Variants in RYR2 observed in about 807,000 individuals in gnomAD.
The protein encoded by RYR2 is ryanodine receptor 2.
RYR2 carries 227 observed loss-of-function variants against 601.1 expected under a neutral mutation model. That is an observed-to-expected ratio of 0.38 (90% CI 0.34 to 0.42). The LOEUF (loss-of-function observed/expected upper bound fraction) is 0.42. Among genes scored for constraint, RYR2 ranks in the 10% least tolerant of loss-of-function variants. The probability of loss-of-function intolerance (pLI) is 1.00; values close to 1 mark genes in which losing one functional copy is unlikely to be tolerated. For synonymous variants in RYR2, 2,223 were observed against 2,175.1 expected (o/e 1.02, Z -0.61); for missense variants, 4,646 against 6,156.5 (o/e 0.75, Z 8.21).
intron 53 of RYR2, among the ~76,000 whole-genome samples, chr1:237,656,588 A>G (rs1267503021): frequency 6.6e-6 from 1 of 152,208 alleles, no homozygotes; most frequent in Non-Finnish European, 1.5e-5. Flanking sequence ...TTTAAGTAGG[A>G]CCATGGTTCT....
At chr1:237,110,527 G>A (rs1395101358) in intron 1 of RYR2, among the ~76,000 whole-genome samples, 1 of 148,184 alleles carries the variant, frequency 6.7e-6, no homozygotes, top group Non-Finnish European at 1.5e-5. Flanking sequence ...ATGGTTTTTT[G>A]TCCTTTCGAT....
At chr1:237,770,949 A>G (rs1278446243) in intron 85 of RYR2, 62 bp downstream of exon 85, 1 of 997,368 alleles carries the variant, frequency 1.0e-6, no homozygotes, top group Non-Finnish European at 1.5e-6. Flanking sequence ...CAAGCCAGTA[A>G]TAACAAGAGC....
chr1:237,510,199 A>G (rs1665745492), intron 23 of RYR2, among the ~76,000 whole-genome samples: 1 of 152,220 alleles, frequency 6.6e-6, no homozygotes, highest in African/African-American at 2.4e-5. Flanking sequence ...GAGGCGACTC[A>G]GAGCCCCGCA....
Position 237,180,570 on chromosome 1 carries a change from G to A in RYR2, c.49-89927G>A, listed in dbSNP as rs1269656880. 6.7e-6 allele frequency among the ~76,000 whole-genome samples: 1 copy of A among 148,182 alleles called. No individual in the cohort carries two copies. Among genetic ancestry groups the A allele is most frequent in the Non-Finnish European group, 1.5e-5 (1 of 67,098 alleles). ...TTGAAAAAAACCCAAATATATATAT[G>A]TGTGTGTGTGTATATATGTATATAT... On this transcript the variant is annotated intron_variant, in intron 1 of 104. Coordinates refer to ENST00000366574, the MANE Select transcript of RYR2 (RefSeq NM_001035.3). The surrounding 1 kb of genome is among the most constrained non-coding windows in gnomAD (Gnocchi z 5.3).
At position 237,514,194 on chromosome 1, in the gene RYR2, TC is replaced by T. The variant is rs1364570476; in HGVS notation, c.2822+2404del. On this transcript the variant is annotated intron_variant, in intron 24 of 104. Coordinates refer to ENST00000366574, the MANE Select transcript of RYR2 (RefSeq NM_001035.3). ...AGAATGTTTTATTGAAAGGTCAAGG[TC>T]TAACATAATTTAAATTTGCAGTGCA... is the stretch of plus-strand genomic sequence containing the variant. Among the ~76,000 whole-genome samples the T allele has an allele frequency of 2.2e-4, 34 of 152,336 alleles. 1 individual carries two copies. Among genetic ancestry groups the T allele is most frequent in the Admixed American group, 1.9e-3 (29 of 15,300 alleles).
intron 100 of RYR2, 56 bp from the exon 101 acceptor site, chr1:237,818,980 G>A (rs920964960): frequency 6.5e-6 from 10 of 1,527,454 alleles, no homozygotes; most frequent in Admixed American, 5.5e-5. Flanking sequence ...CGGGTTTGTC[G>A]AGAAAAAAAA....
At chr1:237,757,819 A>G in intron 82 of RYR2, 43 bp downstream of exon 82, 1 of 1,154,962 alleles carries the variant, frequency 8.7e-7, no homozygotes, top group South Asian at 1.2e-5. Flanking sequence ...TTTCAGACAA[A>G]TGGACCATAT....
intron 66 of RYR2, among the ~76,000 whole-genome samples, chr1:237,704,426 G>A (rs545610001): frequency 8.6e-5 from 13 of 151,862 alleles, no homozygotes; most frequent in East Asian, 5.8e-4. Context: ...GTAAAGTAAT[G>A]TATTTACTAG....
intron 1 of RYR2, chr1:237,270,264 T>C (rs1480076562): frequency 1.5e-6 from 1 of 646,718 alleles, no homozygotes; most frequent in Admixed American, 2.1e-5. Flanking sequence ...ACTGATTGCC[T>C]TGAATGGCCG....
intron 100 of RYR2, among the ~76,000 whole-genome samples, chr1:237,812,462 T>C (rs1348090547): frequency 1.3e-5 from 2 of 152,126 alleles, no homozygotes; most frequent in African/African-American, 4.8e-5. Context: ...GGATCAGTAT[T>C]CCTATCGCAT....
Position 237,792,253 on chromosome 1 carries a change from C to G in RYR2, c.13712C>G (p.Thr4571Arg). The change falls in exon 94 of 105, where the codon ACG (threonine) becomes AGG (arginine). Residue 4571 changes from threonine (T) to arginine (R), a missense_variant. Around this residue, in one of 17 missense-constraint regions of RYR2, gnomAD observed 364 missense variants for 442.9 expected, o/e 0.82. Coordinates refer to ENST00000366574, the MANE Select transcript of RYR2 (RefSeq NM_001035.3). The part of the protein sequence containing the change: ...LEESSGYMEP[T>R]LRILAILHTV... ...GAGAGCAGCGGCTACATGGAGCCCA[C>G]GTTGCGTATCTTAGCTATTCTGCAC... is the stretch of plus-strand genomic sequence containing the variant. 1.2e-6 allele frequency: 2 copies of G among 1,613,708 alleles called. No individual in the cohort carries two copies. The highest frequency in any genetic ancestry group is 1.7e-6 in the Non-Finnish European group (2 of 1,179,746).
At chr1:237,800,910 A>C (rs1173627500) in intron 97 of RYR2, among the ~76,000 whole-genome samples, 4 of 152,180 alleles carry the variant, frequency 2.6e-5, no homozygotes, top group African/African-American at 9.7e-5. Flanking sequence ...ACCAGCACCC[A>C]CAACTGTAAG....
intron 1 of RYR2, among the ~76,000 whole-genome samples, chr1:237,189,045 C>T (rs1245400772): frequency 1.3e-5 from 2 of 152,150 alleles, no homozygotes; most frequent in Non-Finnish European, 2.9e-5. Flanking sequence ...ATTTTCCCTT[C>T]CTCCCCCGTC....
chr1:237,069,844 T>C (rs1467836218), intron 1 of RYR2, among the ~76,000 whole-genome samples: 7 of 152,184 alleles, frequency 4.6e-5, no homozygotes, highest in East Asian at 1.9e-4. Flanking sequence ...TCCCTAACAA[T>C]TGCATTTTAT....
chr1:237,472,806 G>A (rs762439266), intron 17 of RYR2, among the ~76,000 whole-genome samples: 3 of 152,154 alleles, frequency 2.0e-5, no homozygotes, highest in South Asian at 2.1e-4. Flanking sequence ...TATGTACACC[G>A]CTGTTTACTT....
intron 8 of RYR2, among the ~76,000 whole-genome samples, chr1:237,385,242 T>C (rs1175350712): frequency 1.3e-5 from 2 of 152,172 alleles, no homozygotes; most frequent in Non-Finnish European, 2.9e-5. Flanking sequence ...GTACAAAATA[T>C]CACATGTAGC....
intron 80 of RYR2, among the ~76,000 whole-genome samples, chr1:237,755,867 A>G (rs1162089128): frequency 6.6e-6 from 1 of 152,186 alleles, no homozygotes; most frequent in East Asian, 1.9e-4. Flanking sequence ...ATTCAGTGAT[A>G]CTTTGCAACT....
intron 1 of RYR2, among the ~76,000 whole-genome samples, chr1:237,061,206 G>C (rs10925303): frequency 6.6e-6 from 1 of 151,926 alleles, no homozygotes; most frequent in Non-Finnish European, 1.5e-5. Context: ...TTAAAAATAC[G>C]GTTGTTCTAT....
chr1:237,757,274 G>T (rs1377428371), intron 81 of RYR2, among the ~76,000 whole-genome samples: 5 of 152,108 alleles, frequency 3.3e-5, no homozygotes, highest in African/African-American at 1.2e-4. Context: ...GTGATACAAT[G>T]AAAATGATGA....
Sources: gnomAD v4.1 joint callset for allele counts (sites outside exome capture counted in the v4.1 genomes callset) on GRCh38, gnomAD v4.1.1 for gene constraint, gnomAD v4.1.1 regional missense constraint, Gnocchi (gnomAD v3.1) non-coding constraint, MANE v1.5 for transcripts, NCBI Gene and HGNC (gene_info 2026-07-23, HGNC 2026-07-21) for gene names.